MUC5AC: variants seen among roughly 807,000 people sequenced by gnomAD.
MUC5AC encodes mucin 5AC, oligomeric mucus/gel-forming.
A neutral mutation model predicts 169.7 loss-of-function variants in MUC5AC; 158 were observed. The ratio of observed to expected loss-of-function variants is 0.93; its 90% CI spans 0.82 to 1.06. MUC5AC has a LOEUF of 1.06. MUC5AC is among the 50% of genes least tolerant of loss of function. The pLI, the probability that MUC5AC is intolerant of heterozygous loss-of-function variation, is 0.00. For missense variants in MUC5AC, 4,359 were observed against 3,089.9 expected, an observed-to-expected ratio of 1.41 and a Z score of -9.74; for synonymous variants, 1,975 against 1,237.0, an observed-to-expected ratio of 1.60 and a Z score of -12.52.
Position 1,167,939 on chromosome 11 carries a change from C to A in MUC5AC, c.1449C>A (p.Ser483Arg), listed in dbSNP as rs749860582. 1.2e-5 allele frequency: 19 copies of A among 1,550,684 alleles called. No homozygotes were observed. Among genetic ancestry groups the A allele is most frequent in the Non-Finnish European group, 4.4e-6 (5 of 1,147,352 alleles). The part of the protein sequence containing the change: ...AELRRCGLTD[S>R]ETCLKSVTLS... Reference sequence around the variant, plus strand: ...TGCGCAGGTGCGGGCTGACGGACAGCGAGACCTGCCTGAAGAGCGTGACAC... The same window carrying A: ...TGCGCAGGTGCGGGCTGACGGACAGAGAGACCTGCCTGAAGAGCGTGACAC... Residue 483 changes from serine to arginine, a missense_variant, in exon 12 of 49, where the codon AGC (serine) becomes AGA (arginine). Physicochemically the swap from Ser to Arg is moderately radical, Grantham distance 110. Transcript: ENST00000621226.
intron 17 of MUC5AC, 97 bp from the exon 18 acceptor site, chr11:1,174,785 G>A (rs979109845): frequency 1.2e-4 from 55 of 456,240 alleles, no homozygotes; most frequent in Non-Finnish European, 1.9e-4. Flanking sequence ...CCGAGGAGGG[G>A]AGGGGAGGGT....
At position 1,164,160 on chromosome 11, in the gene MUC5AC, G is replaced by T. The variant is rs1052710222; in HGVS notation, c.844G>T (p.Val282Leu). 6.2e-7 allele frequency: 1 copy of T among 1,612,486 alleles called. No individual in the cohort carries two copies. Among genetic ancestry groups the T allele is most frequent in the Non-Finnish European group, 8.5e-7 (1 of 1,179,872 alleles). Residue 282 changes from valine (V) to leucine (L), a missense_variant, in exon 8 of 49, where the codon GTG (valine) becomes TTG (leucine). Coordinates refer to ENST00000621226, the MANE Select transcript of MUC5AC (RefSeq NM_001304359.2). ...GCTGTTCTCTGGCTGCGTGGCCCTG[G>T]TGGACGTCGGCAGCTACCTGGAGGC... ...GQLFSGCVAL[V>L]DVGSYLEACR...
intron 5 of MUC5AC, 94 bp from the exon 6 acceptor site, chr11:1,162,861 G>A (rs568286853): frequency 3.9e-6 from 5 of 1,290,242 alleles, no homozygotes; most frequent in South Asian, 2.4e-5. Context: ...TCTCTTCCGT[G>A]GGCCTCGGCC....
chr11:1,174,836 G>T, intron 17 of MUC5AC, 46 bp from the exon 18 acceptor site: 1 of 428,320 alleles, frequency 2.3e-6, no homozygotes, highest in South Asian at 6.0e-5. Context: ...GCTGCCCACT[G>T]CCGGGCTGTG....
In MUC5AC at chr11:1,186,691, C is replaced by T. The variant is rs1860955487; in HGVS notation, c.8546C>T (p.Thr2849Ile). 2 of 734,868 alleles carry T rather than the reference C, an allele frequency of 2.7e-6. No individual in the cohort carries two copies. Among genetic ancestry groups the T allele is most frequent in the Non-Finnish European group, 5.0e-6 (2 of 402,824 alleles). 45.5% of individuals were successfully genotyped at this position (734,868 alleles called of 1,614,324 possible). A position where few individuals can be genotyped will look rare whatever the true frequency, so the allele number is the denominator to read the frequency against. Residue 2849 changes from threonine (T) to isoleucine (I), a missense_variant, in exon 31 of 49, where the codon ACA becomes ATA. By Grantham distance (89) the Thr-to-Ile change is moderately conservative. Coordinates refer to ENST00000621226, the MANE Select transcript of MUC5AC (RefSeq NM_001304359.2). ...ACCACCAGCACAACCTCTGCCCCTA[C>T]AACCAGCACAACCTCTGCCCCTACA... is the stretch of plus-strand genomic sequence containing the variant. The part of the protein sequence containing the change: ...VPTTSTTSAP[T>I]TSTTSAPTTR...
At position 1,178,697 on chromosome 11, in the gene MUC5AC, G is replaced by C. The variant is rs1246963886; in HGVS notation, c.3327+14G>C. ...TGCCACGCACACGTATGCTGGCCGG[G>C]GGGCGTTTCTCTGGGCCCAAGGGGG... On this transcript the variant is annotated intron_variant, in intron 25 of 48. Coordinates refer to ENST00000621226, the MANE Select transcript of MUC5AC (RefSeq NM_001304359.2). 2.4e-6 allele frequency: 3 copies of C among 1,254,036 alleles called. No homozygotes were observed. The East Asian group carries it at 8.8e-5, about 37-fold the overall frequency. 77.7% of individuals were successfully genotyped at this position (1,254,036 alleles called of 1,614,324 possible).
At chr11:1,169,187 C>T (rs1860424377) in intron 15 of MUC5AC, 161 bp downstream of exon 15, 2 of 979,470 alleles carry the variant, frequency 2.0e-6, no homozygotes, top group South Asian at 4.7e-5. Context: ...GGGCGCCCAA[C>T]CCAGCTTATG....
chr11:1,164,176 A>G lies in MUC5AC; in HGVS notation c.860A>G (p.Tyr287Cys), dbSNP rs1002774763. The G allele has an allele frequency of 1.9e-6, 3 of 1,612,370 alleles. No individual in the cohort carries two copies. Among genetic ancestry groups the G allele is most frequent in the Admixed American group, 3.3e-5 (2 of 60,002 alleles). ...GTGGCCCTGGTGGACGTCGGCAGCT[A>G]CCTGGAGGCTTGCAGGCAAGACCTC... The part of the protein sequence containing the change: ...GCVALVDVGS[Y>C]LEACRQDLCF... Residue 287 changes from tyrosine to cysteine, a missense_variant, in exon 8 of 49, where the codon TAC becomes TGC. Transcript: ENST00000621226.
chr11:1,164,871 G>A (rs1860265779), intron 9 of MUC5AC, among the ~76,000 whole-genome samples: 1 of 137,492 alleles, frequency 7.3e-6, no homozygotes, highest in Non-Finnish European at 1.5e-5. Context: ...TGGGCCCCCT[G>A]AGGCTGGCTG....
At position 1,160,696 on chromosome 11, in the gene MUC5AC, C is replaced by CT. The variant is rs1347318233; in HGVS notation, c.151+8dup. ...ATCGCCCGGGGGCCCAGCGGTGAGT[C>CT]TGAGTGTCCGGCCCCCACCCTAAGC... is the stretch of plus-strand genomic sequence containing the variant. On this transcript the variant is annotated splice_region_variant and intron_variant, in intron 2 of 48. Transcript: ENST00000621226. 6.2e-7 allele frequency: 1 copy of CT among 1,607,626 alleles called. No homozygotes were observed. Among genetic ancestry groups the CT allele is most frequent in the Non-Finnish European group, 8.5e-7 (1 of 1,178,558 alleles).
Position 1,185,430 on chromosome 11 carries a change from A to G in MUC5AC, c.7285A>G (p.Thr2429Ala). The G allele has an allele frequency of 2.7e-6, 2 of 729,814 alleles. No individual in the cohort carries two copies. Among genetic ancestry groups the G allele is most frequent in the East Asian group, 5.1e-5 (2 of 39,394 alleles). The allele number at this position is 729,814 out of a possible 1,614,324, so 45.2% of individuals were successfully genotyped here. ...STTSAPTSST[T>A]SSPQTSTTSA... ...AACCTCTGCCCCTACAAGCAGCACA[A>G]CCTCCAGTCCACAGACCAGCACAAC... The change falls in exon 31 of 49, where the codon ACC becomes GCC. Residue 2429 changes from threonine (T) to alanine (A), a missense_variant. Physicochemically the swap from Thr to Ala is moderately conservative, Grantham distance 58 (BLOSUM62 0). Coordinates refer to ENST00000621226, the MANE Select transcript of MUC5AC (RefSeq NM_001304359.2).
Position 1,164,541 on chromosome 11 carries a change from C to A in MUC5AC, c.1129+9C>A, listed in dbSNP as rs748994659. On this transcript the variant is annotated intron_variant, in intron 9 of 48. Coordinates refer to ENST00000621226, the MANE Select transcript of MUC5AC (RefSeq NM_001304359.2). ...CTGCTTCTGCCCTGAGGGTGAGGCT[C>A]CCCCGCCCCTGGGAAACACAGGTGC... is the stretch of plus-strand genomic sequence containing the variant. 1.0e-5 allele frequency: 16 copies of A among 1,599,738 alleles called. No individual in the cohort carries two copies. In the Middle Eastern group the frequency reaches 5.1e-4, roughly 51 times the overall value.
In MUC5AC at chr11:1,164,130, G is replaced by A. The variant is rs759901532; in HGVS notation, c.814G>A (p.Gly272Ser). 5 of 1,612,038 alleles carry A rather than the reference G, an allele frequency of 3.1e-6. No individual in the cohort carries two copies. Among genetic ancestry groups the A allele is most frequent in the African/African-American group, 2.7e-5 (2 of 74,910 alleles). Reference sequence around the variant, plus strand: ...GGGCATCTGTGAGGAGCTCCTGCACGGCCAGCTGTTCTCTGGCTGCGTGGC... The same window carrying A: ...GGGCATCTGTGAGGAGCTCCTGCACAGCCAGCTGTTCTCTGGCTGCGTGGC... ...GFGICEELLH[G>S]QLFSGCVALV... Residue 272 changes from glycine to serine, a missense_variant, in exon 8 of 49, where the codon GGC becomes AGC. Gly to Ser is a moderately conservative substitution (Grantham distance 56). Coordinates refer to ENST00000621226, the MANE Select transcript of MUC5AC (RefSeq NM_001304359.2).
In MUC5AC at chr11:1,185,932, C is replaced by G. The variant is rs1485198183; in HGVS notation, c.7787C>G (p.Pro2596Arg). ...ACAACCTCTGGTCCTGGAACTACTCCCAGTGCTGTTCCCACCACCAGCATA... is the reference window on the plus strand; with the variant it reads ...ACAACCTCTGGTCCTGGAACTACTCGCAGTGCTGTTCCCACCACCAGCATA... ...TSTTSGPGTT[P>R]SAVPTTSITS... The change falls in exon 31 of 49, where the codon CCC (proline) becomes CGC (arginine). Residue 2596 changes from proline (P) to arginine (R), a missense_variant. By Grantham distance (103) the Pro-to-Arg change is moderately radical. Coordinates refer to ENST00000621226, the MANE Select transcript of MUC5AC (RefSeq NM_001304359.2). The G allele has an allele frequency of 1.3e-6, 1 of 743,996 alleles. No individual in the cohort carries two copies. Among genetic ancestry groups the G allele is most frequent in the African/African-American group, 1.7e-5 (1 of 58,354 alleles). 46.1% of individuals were successfully genotyped at this position (743,996 alleles called of 1,614,324 possible). A position where few individuals can be genotyped will look rare whatever the true frequency, so the allele number is the denominator to read the frequency against.
At position 1,185,899 on chromosome 11, in the gene MUC5AC, C is replaced by T. The variant is rs1860931271; in HGVS notation, c.7754C>T (p.Thr2585Ile). ...VPTTSTTSAP[T>I]TSTTSGPGTT... Reference sequence around the variant, plus strand: ...ACCACGAGCACAACCTCTGCTCCTACAACCAGCACAACCTCTGGTCCTGGA... The same window carrying T: ...ACCACGAGCACAACCTCTGCTCCTATAACCAGCACAACCTCTGGTCCTGGA... The change falls in exon 31 of 49, where the codon ACA becomes ATA. Residue 2585 changes from threonine (T) to isoleucine (I), a missense_variant. Coordinates refer to ENST00000621226, the MANE Select transcript of MUC5AC (RefSeq NM_001304359.2). 2 of 746,676 alleles carry T rather than the reference C, an allele frequency of 2.7e-6. No individual in the cohort carries two copies. The highest frequency in any genetic ancestry group is 3.4e-5 in the African/African-American group (2 of 58,402). 46.3% of individuals were successfully genotyped at this position (746,676 alleles called of 1,614,324 possible). A position where few individuals can be genotyped will look rare whatever the true frequency, so the allele number is the denominator to read the frequency against.
chr11:1,178,542 G>T lies in MUC5AC; in HGVS notation c.3186G>T (p.Gly1062=). The change falls in exon 25 of 49, where the codon GGG becomes GGT. Residue 1062 remains glycine (G), a synonymous_variant. Transcript: ENST00000621226. ...TGGTGGGGGACGTGCTGGAGTTTGGGAACAGCTGGAAGCTCTCCCCCTCCT... is the reference window on the plus strand; with the variant it reads ...TGGTGGGGGACGTGCTGGAGTTTGGTAACAGCTGGAAGCTCTCCCCCTCCT... ...RSVVGDVLEF[G]NSWKLSPSCP... is the part of the protein sequence containing the mutation. The T allele has an allele frequency of 7.4e-7, 1 of 1,354,244 alleles. No homozygotes were observed. The highest frequency in any genetic ancestry group is 9.7e-7 in the Non-Finnish European group (1 of 1,032,704). The allele number at this position is 1,354,244 out of a possible 1,614,324, so 83.9% of individuals were successfully genotyped here.
Position 1,198,003 on chromosome 11 carries a change from C to A in MUC5AC, c.16134C>A (p.Cys5378Ter). ...GGGCCTGCTGCCCAGTCCAAAACTG[C>A]AGTGAGTGGCCTGGACCAGGCCCTG... ...QEGACCPVQN[C>*]SWTVCSINGT... Residue 5378 changes from cysteine (C) to a stop codon, truncating the protein, a stop_gained and splice_region_variant, in exon 42 of 49, where the codon TGC becomes TGA. Coordinates refer to ENST00000621226, the MANE Select transcript of MUC5AC (RefSeq NM_001304359.2). LOFTEE classifies it high-confidence loss of function. The A allele has an allele frequency of 1.4e-6, 1 of 697,682 alleles. No homozygotes were observed. The highest frequency in any genetic ancestry group is 1.5e-5 in the South Asian group (1 of 64,568). 43.2% of individuals were successfully genotyped at this position (697,682 alleles called of 1,614,324 possible). A position where few individuals can be genotyped will look rare whatever the true frequency, so the allele number is the denominator to read the frequency against.
chr11:1,185,162 C>G lies in MUC5AC; in HGVS notation c.7017C>G (p.Ser2339Arg). ...GCACAACCTCTGCCCCTACAAGCAG[C>G]ACAACCTCTGGTCCTGGAACTACTC... ...TTSTTSAPTS[S>R]TTSGPGTTPS... The change falls in exon 31 of 49, where the codon AGC becomes AGG. Residue 2339 changes from serine (S) to arginine (R), a missense_variant. Coordinates refer to ENST00000621226, the MANE Select transcript of MUC5AC (RefSeq NM_001304359.2). 5.5e-6 allele frequency: 4 copies of G among 730,640 alleles called. No homozygotes were observed. Among genetic ancestry groups the G allele is most frequent in the Non-Finnish European group, 7.5e-6 (3 of 400,448 alleles). 45.3% of individuals were successfully genotyped at this position (730,640 alleles called of 1,614,324 possible). A position where few individuals can be genotyped will look rare whatever the true frequency, so the allele number is the denominator to read the frequency against.
At position 1,177,485 on chromosome 11, in the gene MUC5AC, T is replaced by A; in HGVS notation, c.2939T>A (p.Val980Glu). 3 of 398,370 alleles carry A rather than the reference T, an allele frequency of 7.5e-6. No individual in the cohort carries two copies. Among genetic ancestry groups the A allele is most frequent in the East Asian group, 3.6e-5 (1 of 28,056 alleles). The allele number at this position is 398,370 out of a possible 1,614,324, so 24.7% of individuals were successfully genotyped here. ...GFELKLSHGK[V>E]EVIGTDESQE... ...GAGCTGAAGCTAAGCCATGGGAAGG[T>A]GGAGGTGATCGGGACGGACGAGAGC... is the stretch of plus-strand genomic sequence containing the variant. The change falls in exon 24 of 49, where the codon GTG becomes GAG. Residue 980 changes from valine to glutamate, a missense_variant. Coordinates refer to ENST00000621226, the MANE Select transcript of MUC5AC (RefSeq NM_001304359.2).
Sources: gnomAD v4.1 joint callset for allele counts (sites outside exome capture counted in the v4.1 genomes callset) on GRCh38, gnomAD v4.1.1 for gene constraint, MANE v1.5 for transcripts, NCBI Gene and HGNC (gene_info 2026-07-23, HGNC 2026-07-21) for gene names.